The following OCA2 variants were observed in gnomAD, a reference collection of about 807,000 sequenced individuals.
OCA2 encodes OCA2 melanosomal transmembrane protein.
A neutral mutation model predicts 100.2 loss-of-function variants in OCA2; 77 were observed. The ratio of observed to expected loss-of-function variants is 0.77; its 90% CI spans 0.64 to 0.93. The LOEUF is 0.93. OCA2 is among the 40% of genes least tolerant of loss of function. The probability of loss-of-function intolerance (pLI) is 0.00; values close to 1 mark genes in which losing one functional copy is unlikely to be tolerated. For synonymous variants in OCA2, 432 were observed against 439.2 expected (o/e 0.98, Z 0.21); for missense variants, 1,062 against 1,089.1 (o/e 0.98, Z 0.35).
chr15:27,729,679 C>T, the OCA2 span, among the ~76,000 whole-genome samples: 9 of 152,030 alleles, frequency 5.9e-5, no homozygotes, highest in African/African-American at 1.7e-4. Context: ...CTGCCTATGG[C>T]GGGAAAAAAT....
chr15:28,015,904 C>T (rs2042375356), intron 8 of OCA2, among the ~76,000 whole-genome samples, 200 bp downstream of exon 8: 1 of 152,152 alleles, frequency 6.6e-6, no homozygotes, highest in South Asian at 2.1e-4. Flanking sequence ...TGCAGTCGAC[C>T]CTCTCACATC....
chr15:28,059,430 G>A (rs2043803941), intron 2 of OCA2, among the ~76,000 whole-genome samples: 1 of 152,210 alleles, frequency 6.6e-6, no homozygotes, highest in Admixed American at 6.5e-5. Context: ...TGTAATCCCA[G>A]CACTTTGGGA....
chr15:27,757,069 A>G (rs1011988796), intron 23 of OCA2, among the ~76,000 whole-genome samples: 3 of 152,198 alleles, frequency 2.0e-5, no homozygotes, highest in African/African-American at 7.2e-5. Flanking sequence ...GGACCCTCTC[A>G]ACTGCCCACA....
intron 19 of OCA2, among the ~76,000 whole-genome samples, chr15:27,880,181 T>C (rs1042882153): frequency 1.3e-5 from 2 of 152,194 alleles, no homozygotes; most frequent in African/African-American, 4.8e-5. Context: ...GTCTTATTTC[T>C]GAGATCTCTA....
chr15:27,945,295 A>G (rs1160035335), intron 18 of OCA2, among the ~76,000 whole-genome samples: 3 of 152,144 alleles, frequency 2.0e-5, no homozygotes, highest in Non-Finnish European at 4.4e-5. Context: ...AGAAACCAAC[A>G]AGGCCAAGCA....
At chr15:27,829,636 A>C (rs967291914) in intron 23 of OCA2, among the ~76,000 whole-genome samples, 1 of 152,206 alleles carries the variant, frequency 6.6e-6, no homozygotes, top group Non-Finnish European at 1.5e-5. Flanking sequence ...GCTGTGGCCA[A>C]CATGGCCTTT....
intron 18 of OCA2, among the ~76,000 whole-genome samples, chr15:27,939,516 C>A (rs754879123): frequency 6.6e-6 from 1 of 152,128 alleles, no homozygotes; most frequent in Non-Finnish European, 1.5e-5. Flanking sequence ...TGATGACTTA[C>A]GAGGTTGAGC....
At chr15:27,992,413 T>C (rs1823969526) in intron 9 of OCA2, among the ~76,000 whole-genome samples, 2 of 152,158 alleles carry the variant, frequency 1.3e-5, no homozygotes, top group Non-Finnish European at 2.9e-5. Flanking sequence ...TTAGGACCCA[T>C]TTTAAGGATA....
chr15:27,937,410 G>T (rs2039496036), intron 18 of OCA2, among the ~76,000 whole-genome samples: 1 of 152,094 alleles, frequency 6.6e-6, no homozygotes, highest in Admixed American at 6.5e-5. Flanking sequence ...TTTTTGTTGG[G>T]CATACCACTG....
intron 1 of OCA2, among the ~76,000 whole-genome samples, chr15:28,098,329 G>A (rs1199410299): frequency 1.3e-5 from 2 of 152,188 alleles, no homozygotes; most frequent in African/African-American, 2.4e-5. Flanking sequence ...CCCCAGATGC[G>A]TTCAATGCTC....
chr15:27,839,809 T>G (rs1013746176), intron 23 of OCA2, among the ~76,000 whole-genome samples: 1 of 152,130 alleles, frequency 6.6e-6, no homozygotes, highest in African/African-American at 2.4e-5. Flanking sequence ...TTGGGTAGAT[T>G]TGAGAAATAT....
chr15:27,735,593 A>G, the OCA2 span, among the ~76,000 whole-genome samples: 1 of 152,166 alleles, frequency 6.6e-6, no homozygotes, highest in Non-Finnish European at 1.5e-5. Context: ...CAAAACAAAG[A>G]CAAGATCCTG....
chr15:27,850,142 T>C (rs2035692564), intron 22 of OCA2, among the ~76,000 whole-genome samples: 1 of 152,140 alleles, frequency 6.6e-6, no homozygotes, highest in Admixed American at 6.5e-5. Flanking sequence ...TTTGGGGAAA[T>C]CCAAACTAGC....
intron 14 of OCA2, among the ~76,000 whole-genome samples, chr15:27,975,303 T>C (rs1423924440): frequency 3.9e-5 from 6 of 152,194 alleles, no homozygotes; most frequent in African/African-American, 1.4e-4. Context: ...AAAAAATAAG[T>C]TGAAAGCCAA....
Position 28,081,534 on chromosome 15 carries a change from ATTC to A in OCA2, c.227+111_227+113del, listed in dbSNP as rs2044622087. On this transcript the variant is annotated intron_variant, in intron 2 of 23. Coordinates refer to ENST00000354638, the MANE Select transcript of OCA2 (RefSeq NM_000275.3). ...AGGAAAGTGATCTAATGCTGGAAAA[ATTC>A]TTGCAAAATTTCTGGAAATTTTTCC... 3.0e-6 allele frequency: 3 copies of A among 1,009,696 alleles called. No homozygotes were observed. The South Asian group carries it at 4.2e-5, about 14-fold the overall frequency. The allele number at this position is 1,009,696 out of a possible 1,614,324, so 62.5% of individuals were successfully genotyped here. A position where few individuals can be genotyped will look rare whatever the true frequency, so the allele number is the denominator to read the frequency against.
the OCA2 span, among the ~76,000 whole-genome samples, chr15:27,737,287 T>C: frequency 6.6e-6 from 1 of 152,186 alleles, no homozygotes; most frequent in African/African-American, 2.4e-5. Context: ...GGTAGGTTTA[T>C]AGAAATTCAT....
intron 23 of OCA2, among the ~76,000 whole-genome samples, chr15:27,757,666 T>C (rs2030493803): frequency 6.6e-6 from 1 of 152,224 alleles, no homozygotes; most frequent in Non-Finnish European, 1.5e-5. Flanking sequence ...TCTTTATATA[T>C]AAAATGAAGG....
At chr15:27,786,941 G>A (rs895014746) in intron 23 of OCA2, among the ~76,000 whole-genome samples, 48 of 152,068 alleles carry the variant, frequency 3.2e-4, no homozygotes, top group African/African-American at 1.2e-3. Context: ...CCTTTACCAG[G>A]CTGGGGATGT....
intron 14 of OCA2, among the ~76,000 whole-genome samples, chr15:27,968,767 T>C (rs550272950): frequency 1.3e-5 from 2 of 152,256 alleles, no homozygotes; most frequent in African/African-American, 4.8e-5. Context: ...ATAAGCTAAT[T>C]CCTGGACAGA....
Sources: allele counts gnomAD v4.1 joint callset (sites outside exome capture counted in the v4.1 genomes callset), GRCh38; gene constraint gnomAD v4.1.1; transcripts MANE v1.5; gene names NCBI Gene and HGNC (gene_info 2026-07-23, HGNC 2026-07-21).